Variants in MAGI2 observed in about 807,000 individuals in gnomAD.
MAGI2 encodes membrane-associated guanylate kinase, WW and PDZ domain-containing protein 2.
MAGI2 carries 35 observed loss-of-function variants against 133.3 expected under a neutral mutation model. That is an observed-to-expected ratio of 0.26 (90% CI 0.20 to 0.35). The LOEUF (loss-of-function observed/expected upper bound fraction) is 0.35, where lower values mean the gene tolerates loss of function less well. Among genes scored for constraint, MAGI2 ranks in the 10% least tolerant of loss-of-function variants. MAGI2 has a pLI of 1.00. For synonymous variants in MAGI2, 729 were observed against 710.6 expected (o/e 1.03, Z -0.41); for missense variants, 1,636 against 1,863.4 (o/e 0.88, Z 2.25).
chr7:79,204,101 A>G (rs1442572491), intron 1 of MAGI2, among the ~76,000 whole-genome samples: 3 of 152,078 alleles, frequency 2.0e-5, no homozygotes, highest in African/African-American at 7.3e-5. Flanking sequence ...GTGGGAAAAG[A>G]GATGTGAGTG....
rs1207886 is a variant in MAGI2, at chr7:78,800,505, G to C, written c.419-173266C>G. On this transcript the variant is annotated intron_variant, in intron 2 of 21. Transcript: ENST00000354212. ...GACTGCTATGTGCCTAAGAAGAAAA[G>C]GAGAACATGAATATTCCTTATAACT... 2.7e-3 allele frequency among the ~76,000 whole-genome samples: 405 copies of C among 152,180 alleles called. 2 individuals are homozygous for C. The highest frequency in any genetic ancestry group is 4.2e-3 in the Non-Finnish European group (284 of 67,988).
At chr7:79,131,872 C>G (rs544445221) in intron 1 of MAGI2, among the ~76,000 whole-genome samples, 5 of 151,742 alleles carry the variant, frequency 3.3e-5, no homozygotes, top group Non-Finnish European at 5.9e-5. Context: ...ATAGCCGTAC[C>G]CTTTCAAATA....
intron 6 of MAGI2, among the ~76,000 whole-genome samples, chr7:78,438,580 C>T (rs1374642255): frequency 2.0e-5 from 3 of 152,096 alleles, no homozygotes; most frequent in Non-Finnish European, 4.4e-5. Flanking sequence ...ATGCTAGAAG[C>T]GGGGCCAAAG....
chr7:78,732,877 C>A (rs779329998), intron 2 of MAGI2, among the ~76,000 whole-genome samples: 1 of 151,956 alleles, frequency 6.6e-6, no homozygotes, highest in Non-Finnish European at 1.5e-5. Context: ...AATCAGACCA[C>A]CATAAACTGG....
At chr7:78,972,443 C>A (rs192519685) in intron 2 of MAGI2, among the ~76,000 whole-genome samples, 1 of 151,776 alleles carries the variant, frequency 6.6e-6, no homozygotes. Context: ...ATTGATGGCA[C>A]TTTCTGGTAT....
chr7:78,783,534 G>A (rs916841760), intron 2 of MAGI2, among the ~76,000 whole-genome samples: 1 of 152,236 alleles, frequency 6.6e-6, no homozygotes, highest in Non-Finnish European at 1.5e-5. Flanking sequence ...GAAACAGTAT[G>A]TTTTTAAATT....
chr7:78,119,450 A>T (rs1483063314), intron 20 of MAGI2, among the ~76,000 whole-genome samples: 2 of 149,698 alleles, frequency 1.3e-5, no homozygotes, highest in Admixed American at 6.8e-5. Context: ...AGTCCCAGCC[A>T]CTTGGGAGGC....
intron 1 of MAGI2, among the ~76,000 whole-genome samples, chr7:79,282,832 T>C (rs977710214): frequency 1.3e-5 from 2 of 152,084 alleles, no homozygotes; most frequent in African/African-American, 4.8e-5. Flanking sequence ...ATTGTAGAGG[T>C]TTAACAGCTA....
At chr7:79,452,806 A>G (rs572092749) in intron 1 of MAGI2, 119 of 570,668 alleles carry the variant, frequency 2.1e-4, no homozygotes, top group Middle Eastern at 4.6e-4. Flanking sequence ...CTGAGCAAAC[A>G]AAGTTGCACG....
chr7:79,122,975 G>C (rs1001842623), intron 1 of MAGI2, among the ~76,000 whole-genome samples: 2 of 152,144 alleles, frequency 1.3e-5, no homozygotes, highest in Non-Finnish European at 2.9e-5. Context: ...TTAAAAAAGA[G>C]ATAGGAGAGA....
At chr7:78,576,670 A>T (rs991057079) in intron 3 of MAGI2, among the ~76,000 whole-genome samples, 1 of 152,206 alleles carries the variant, frequency 6.6e-6, no homozygotes, top group African/African-American at 2.4e-5. Context: ...TCAATTTATT[A>T]TCATTAAATC....
At chr7:78,059,542 G>A (rs1485847198) in intron 21 of MAGI2, among the ~76,000 whole-genome samples, 1 of 152,082 alleles carries the variant, frequency 6.6e-6, no homozygotes, top group African/African-American at 2.4e-5. Flanking sequence ...GTTTCAAGTT[G>A]TAGAGCCCTT....
chr7:78,628,021 G>A (rs906890165), intron 2 of MAGI2, among the ~76,000 whole-genome samples: 2 of 152,154 alleles, frequency 1.3e-5, no homozygotes, highest in Non-Finnish European at 2.9e-5. Context: ...ATCACCCACA[G>A]AGGGAATGGA....
At chr7:79,403,402 T>A (rs772452132) in intron 1 of MAGI2, among the ~76,000 whole-genome samples, 144 of 152,254 alleles carry the variant, frequency 9.5e-4, no homozygotes, top group Non-Finnish European at 1.9e-3. Flanking sequence ...AAAATACAGT[T>A]GAAATGTAGA....
chr7:78,244,451 A>C (rs1172830831), intron 10 of MAGI2, among the ~76,000 whole-genome samples: 1 of 152,100 alleles, frequency 6.6e-6, no homozygotes. Context: ...TTAAACAAAA[A>C]ACAAAACCTA....
At chr7:78,326,324 C>A (rs1788583678) in intron 9 of MAGI2, among the ~76,000 whole-genome samples, 1 of 152,242 alleles carries the variant, frequency 6.6e-6, no homozygotes, top group Non-Finnish European at 1.5e-5. Flanking sequence ...GAAATCCACC[C>A]TGATCTCTCC....
intron 6 of MAGI2, among the ~76,000 whole-genome samples, chr7:78,400,216 T>A (rs1796732557): frequency 1.3e-5 from 2 of 152,196 alleles, no homozygotes; most frequent in South Asian, 4.1e-4. Flanking sequence ...TCACTTCTTT[T>A]TCTTCTGTTA....
chr7:78,677,271 T>C (rs1413298027), intron 2 of MAGI2, among the ~76,000 whole-genome samples: 1 of 151,634 alleles, frequency 6.6e-6, no homozygotes, highest in African/African-American at 2.4e-5. Flanking sequence ...AGTCTCTTAA[T>C]ACTTTAGTAC....
At chr7:78,655,454 C>CAAAAAAAAAAAAAAAAAAAA in intron 2 of MAGI2, among the ~76,000 whole-genome samples, 4 of 64,948 alleles carry the variant, frequency 6.2e-5, no homozygotes, top group African/African-American at 1.3e-4. Context: ...AAAAAACAAC[C>CAAAAAAAAAAAAAAAAAAAA]AAAAAAAAAA....
Sources: allele counts gnomAD v4.1 joint callset (sites outside exome capture counted in the v4.1 genomes callset), GRCh38; gene constraint gnomAD v4.1.1; transcripts MANE v1.5; gene names NCBI Gene and HGNC (gene_info 2026-07-23, HGNC 2026-07-21).